The following USP22 variants were observed in gnomAD, a reference collection of about 807,000 sequenced individuals.
The protein encoded by USP22 is ubiquitin specific peptidase 22.
Under a neutral mutation model 68.1 loss-of-function variants are expected in USP22, and 22 were observed. The ratio of observed to expected loss-of-function variants is 0.32; its 90% CI spans 0.23 to 0.46. The LOEUF is 0.46. Ranked by LOEUF, USP22 falls within the 20% of genes least tolerant of loss-of-function variation. The probability of loss-of-function intolerance (pLI) is 1.00; values close to 1 mark genes in which losing one functional copy is unlikely to be tolerated. For missense variants in USP22, 433 were observed against 695.8 expected (o/e 0.62, Z 4.25); for synonymous variants, 279 against 274.2 (o/e 1.02, Z -0.17).
chr17:21,004,147 G>A lies in USP22; in HGVS notation c.1535+55C>T, dbSNP rs371477365. On this transcript the variant is annotated intron_variant, in intron 12 of 12. Transcript: ENST00000261497. Reference sequence around the variant, plus strand: ...GACATGGGCTAGTCTCAGCTATACCGGAGGGGAAGCACCGTAGCCACCGTA... The same window carrying A: ...GACATGGGCTAGTCTCAGCTATACCAGAGGGGAAGCACCGTAGCCACCGTA... 4.1e-5 allele frequency: 66 copies of A among 1,594,008 alleles called. No individual in the cohort carries two copies. The African/African-American group carries it at 4.3e-4, about 10-fold the overall frequency.
chr17:21,038,055 GA>G (rs1273216561), intron 1 of USP22, among the ~76,000 whole-genome samples: 1 of 152,144 alleles, frequency 6.6e-6, no homozygotes, highest in Non-Finnish European at 1.5e-5. Context: ...TTGTTGTGAT[GA>G]TTTGAAAGAT....
chr17:21,043,302 C>CCCCCCCCCCCCCCCCCCCG (rs1567596616), upstream of USP22: 3 of 47,548 alleles, frequency 6.3e-5, no homozygotes, highest in Non-Finnish European at 1.8e-4. Flanking sequence ...GTAGGCCACC[C>CCCCCCCCCCCCCCCCCCCG]CCCCCCCCCC....
chr17:21,042,415 G>A lies in USP22; in HGVS notation c.171+250C>T, dbSNP rs1294839716. ...GGACAGAGAGGAGGGGGAGGGAAAG[G>A]AAGAATGGGGGAAGGGGGGAGAGGG... On this transcript the variant is annotated intron_variant, in intron 1 of 12. Coordinates refer to ENST00000261497, the MANE Select transcript of USP22 (RefSeq NM_015276.2). 3 of 286,916 alleles carry A rather than the reference G, an allele frequency of 1.0e-5. No individual in the cohort carries two copies. In the Admixed American group the frequency reaches 1.6e-4, roughly 15 times the overall value. The allele number at this position is 286,916 out of a possible 1,614,324, so 17.8% of individuals were successfully genotyped here.
intron 8 of USP22, among the ~76,000 whole-genome samples, chr17:21,009,408 G>T (rs1319292406): frequency 6.6e-6 from 1 of 152,180 alleles, no homozygotes; most frequent in African/African-American, 2.4e-5. Context: ...TGCTAGCTTT[G>T]TGATCTGCTC....
intron 5 of USP22, 84 bp downstream of exon 5, chr17:21,017,854 CCTTT>C: frequency 5.3e-6 from 8 of 1,499,724 alleles, no homozygotes; most frequent in Non-Finnish European, 6.4e-6. Context: ...AATGTATCTT[CCTTT>C]ATCATGGTCC....
intron 1 of USP22, among the ~76,000 whole-genome samples, chr17:21,038,982 C>T (rs757135243): frequency 4.6e-5 from 7 of 152,054 alleles, no homozygotes; most frequent in African/African-American, 7.2e-5. Flanking sequence ...GAGACGGTCT[C>T]GCTCTGTCGC....
At chr17:21,027,292 C>CA (rs71357459) in intron 2 of USP22, among the ~76,000 whole-genome samples, 4,012 of 72,280 alleles carry the variant, frequency 0.056, 312 homozygotes, top group Middle Eastern at 0.15. Flanking sequence ...ACCCTGTCTC[C>CA]AAAAAAAAAA....
chr17:21,012,098 A>T (rs1272250846), intron 7 of USP22, among the ~76,000 whole-genome samples: 1 of 152,106 alleles, frequency 6.6e-6, no homozygotes, highest in Non-Finnish European at 1.5e-5. Flanking sequence ...ATTTCGGTGG[A>T]TCATGTCCAG....
intron 1 of USP22, among the ~76,000 whole-genome samples, chr17:21,038,861 C>T (rs970251049): frequency 1.3e-5 from 2 of 152,022 alleles, no homozygotes; most frequent in Admixed American, 1.3e-4. Flanking sequence ...ACAGACAAAC[C>T]CTGAAATGGT....
chr17:21,027,151 G>T (rs1972230719), intron 2 of USP22, among the ~76,000 whole-genome samples: 1 of 151,606 alleles, frequency 6.6e-6, no homozygotes, highest in Admixed American at 6.6e-5. Flanking sequence ...TGGGATTCCA[G>T]GTGTCGTGGT....
Position 21,032,018 on chromosome 17 carries a change from T to G in USP22, c.172-3344A>C, listed in dbSNP as rs148918418. On this transcript the variant is annotated intron_variant, in intron 1 of 12. Coordinates refer to ENST00000261497, the MANE Select transcript of USP22 (RefSeq NM_015276.2). The stretch of plus-strand genomic sequence containing the variant: ...CACACACCACATAGCAATGTTTCAG[T>G]GAATGACAGGCTGCATGTACAATGG... Among the ~76,000 whole-genome samples, 87 of 152,378 alleles carry G rather than the reference T, an allele frequency of 5.7e-4. 4 individuals are homozygous for G. The East Asian group carries it at 0.015, about 26-fold the overall frequency.
At chr17:21,011,538 C>T in intron 7 of USP22, 1 of 513,516 alleles carries the variant, frequency 1.9e-6, no homozygotes, top group Non-Finnish European at 3.5e-6. Flanking sequence ...GCGAGGGGCG[C>T]TCCTCAAGCA....
In USP22 at chr17:21,002,752, C is replaced by T. The variant is rs1913630900; in HGVS notation, c.*279G>A. The T allele has an allele frequency of 2.4e-6, 1 of 411,248 alleles. No individual in the cohort carries two copies. 25.5% of individuals were successfully genotyped at this position (411,248 alleles called of 1,614,324 possible). On this transcript the variant is annotated 3_prime_UTR_variant, in exon 13 of 13. Coordinates refer to ENST00000261497, the MANE Select transcript of USP22 (RefSeq NM_015276.2). ...CCCCCGTTGCACCCCCATGTCATGA[C>T]ACAAGAGATGTTCTGGTGACGGGTG...
chr17:21,020,244 C>CAAAAACAA (rs1972136418), intron 3 of USP22, among the ~76,000 whole-genome samples: 1 of 73,252 alleles, frequency 1.4e-5, no homozygotes, highest in African/African-American at 5.2e-5. Context: ...AATCAAAAAC[C>CAAAAACAA]AAAAAAAAAA....
At chr17:21,005,794 C>T (rs1913758721) in intron 10 of USP22, among the ~76,000 whole-genome samples, 1 of 152,358 alleles carries the variant, frequency 6.6e-6, no homozygotes, top group Admixed American at 6.5e-5. Flanking sequence ...ACATCCACGT[C>T]TCAACCCTCA....
In USP22 at chr17:21,007,949, C is replaced by T. The variant is rs1913829639; in HGVS notation, c.1151G>A (p.Ser384Asn). 1 of 1,614,166 alleles carries T rather than the reference C, an allele frequency of 6.2e-7. No individual in the cohort carries two copies. Residue 384 changes from serine (S) to asparagine (N), a missense_variant, in exon 9 of 13, where the codon AGC (serine) becomes AAC (asparagine). Ser to Asn is a conservative substitution (Grantham distance 46). Around this residue, in one of 4 missense-constraint regions of USP22, gnomAD observed 178 missense variants for 351.5 expected, o/e 0.51. Transcript: ENST00000261497. ...HLGSSAKIKC[S>N]GCHSYQESTK... Reference sequence around the variant, plus strand: ...GGACTCCTGGTAGCTATGGCAACCGCTGCACTTGATCTTGGCGCTGCTGCC... The same window carrying T: ...GGACTCCTGGTAGCTATGGCAACCGTTGCACTTGATCTTGGCGCTGCTGCC...
chr17:21,006,543 T>C (rs950470269), intron 10 of USP22: 2 of 151,698 alleles, frequency 1.3e-5, no homozygotes, highest in African/African-American at 4.9e-5. Context: ...TCTCGTTCTG[T>C]CACCAGGCTG....
At chr17:21,015,234 CTA>C (rs1365640188) in intron 6 of USP22, among the ~76,000 whole-genome samples, 1 of 152,206 alleles carries the variant, frequency 6.6e-6, no homozygotes, top group African/African-American at 2.4e-5. Context: ...GGCTGTGGGA[CTA>C]TGTTGGGGGA....
chr17:21,000,691 G>T lies in USP22; in HGVS notation c.*2340C>A, dbSNP rs112118405. 3 of 152,236 alleles carry T rather than the reference G, an allele frequency of 2.0e-5. No homozygotes were observed. The highest frequency in any genetic ancestry group is 4.4e-5 in the Non-Finnish European group (3 of 68,050). 9.4% of individuals were successfully genotyped at this position (152,236 alleles called of 1,614,324 possible). Reference sequence around the variant, plus strand: ...GCGTCCCAAGGTGGCAAGCCTTCATGAAGGCACTGCCCAGCTCACAATCCT... The same window carrying T: ...GCGTCCCAAGGTGGCAAGCCTTCATTAAGGCACTGCCCAGCTCACAATCCT... On this transcript the variant is annotated 3_prime_UTR_variant, in exon 13 of 13. Transcript: ENST00000261497.
Sources: allele counts gnomAD v4.1 joint callset (sites outside exome capture counted in the v4.1 genomes callset), GRCh38; gene constraint gnomAD v4.1.1; regional missense constraint gnomAD v4.1.1; transcripts MANE v1.5; gene names NCBI Gene and HGNC (gene_info 2026-07-23, HGNC 2026-07-21).